Variants in SLC35A3 observed in about 807,000 individuals in gnomAD.
SLC35A3 encodes UDP-N-acetylglucosamine transporter.
SLC35A3 carries 26 observed loss-of-function variants against 39.0 expected under a neutral mutation model. That is an observed-to-expected ratio of 0.67 (90% CI 0.49 to 0.92). The LOEUF is 0.92. SLC35A3 is among the 40% of genes least tolerant of loss of function. The pLI is 0.00. For missense variants in SLC35A3, 299 were observed against 371.6 expected (o/e 0.80, Z 1.61); for synonymous variants, 135 against 133.1 (o/e 1.01, Z -0.10).
rs1660800885 is a variant in SLC35A3 at position 100,024,687 on chromosome 1, C to T, written c.*2211C>T. 1 of 386,270 alleles carries T rather than the reference C, an allele frequency of 2.6e-6. No homozygotes were observed. Among genetic ancestry groups the T allele is most frequent in the East Asian group, 3.7e-5 (1 of 27,234 alleles). The allele number at this position is 386,270 out of a possible 1,614,324, so 23.9% of individuals were successfully genotyped here. ...AGGCTGGAGTGCTGTGGCGCGATCT[C>T]GGCTTACTGCAACCTCCCACTCCCT... On this transcript the variant is annotated 3_prime_UTR_variant, in exon 8 of 8. Coordinates refer to ENST00000533028, the MANE Select transcript of SLC35A3 (RefSeq NM_012243.3).
At chr1:99,991,353 C>T (rs188011188) in intron 1 of SLC35A3, among the ~76,000 whole-genome samples, 165 of 152,270 alleles carry the variant, frequency 1.1e-3, no homozygotes, top group African/African-American at 3.8e-3. Context: ...ACTATGTTGG[C>T]CAGGCTGGTC....
Position 100,028,293 on chromosome 1 carries a change from G to C in SLC35A3, c.*5817G>C, listed in dbSNP as rs1238767349. Reference sequence around the variant, plus strand: ...GACCAGCATTAGTAATCATACTGGTGGGGTTTTTTGGGGTGTTTTTCTGTT... The same window carrying C: ...GACCAGCATTAGTAATCATACTGGTCGGGTTTTTTGGGGTGTTTTTCTGTT... On this transcript the variant is annotated 3_prime_UTR_variant, in exon 8 of 8. Coordinates refer to ENST00000533028, the MANE Select transcript of SLC35A3 (RefSeq NM_012243.3). 2 of 150,498 alleles carry C rather than the reference G, an allele frequency of 1.3e-5. No homozygotes were observed. The highest frequency in any genetic ancestry group is 5.0e-5 in the African/African-American group (2 of 39,958). 9.3% of individuals were successfully genotyped at this position (150,498 alleles called of 1,614,324 possible).
In SLC35A3 at chr1:100,015,653, A is replaced by T. The variant is rs958271981; in HGVS notation, c.753+233A>T. 15 of 418,900 alleles carry T rather than the reference A, an allele frequency of 3.6e-5. No individual in the cohort carries two copies. The Admixed American group carries it at 6.2e-4, about 17-fold the overall frequency. The allele number at this position is 418,900 out of a possible 1,614,324, so 25.9% of individuals were successfully genotyped here. On this transcript the variant is annotated intron_variant, in intron 6 of 7. Transcript: ENST00000533028. ...TGGTTTTAAATGTAACATAATGAAAATACAAGTTTAAGAATAAAAGAGTTG... is the reference window on the plus strand; with the variant it reads ...TGGTTTTAAATGTAACATAATGAAATTACAAGTTTAAGAATAAAAGAGTTG...
Position 100,005,773 on chromosome 1 carries a change from G to T in SLC35A3, c.343-1261G>T, listed in dbSNP as rs547516554. Among the ~76,000 whole-genome samples the T allele has an allele frequency of 8.5e-5, 13 of 152,072 alleles. No individual in the cohort carries two copies. In the East Asian group the frequency reaches 2.3e-3, roughly 27 times the overall value. On this transcript the variant is annotated intron_variant, in intron 3 of 7. Coordinates refer to ENST00000533028, the MANE Select transcript of SLC35A3 (RefSeq NM_012243.3). ...CCTATTTTGTTTATATTGTCTGCTT[G>T]TGTTCTCTTGTATCTCACTAAACTT... is the stretch of plus-strand genomic sequence containing the variant.
At chr1:100,012,509 A>G (rs1659741377) in intron 5 of SLC35A3, among the ~76,000 whole-genome samples, 1 of 152,232 alleles carries the variant, frequency 6.6e-6, no homozygotes, top group Admixed American at 6.5e-5. Context: ...ACCTATCACA[A>G]TTCAAAATTA....
rs943277339 is a variant in SLC35A3, at chr1:100,024,187, A to T, written c.*1711A>T. On this transcript the variant is annotated 3_prime_UTR_variant, in exon 8 of 8. Transcript: ENST00000533028. ...TGGTAAGATGATTTGGTGGGCAAAA[A>T]TGCTTTCTATAATTTGAATATGGGT... 3 of 152,120 alleles carry T rather than the reference A, an allele frequency of 2.0e-5. No individual in the cohort carries two copies. The highest frequency in any genetic ancestry group is 7.2e-5 in the African/African-American group (3 of 41,408). The allele number at this position is 152,120 out of a possible 1,614,324, so 9.4% of individuals were successfully genotyped here.
chr1:100,018,434 C>T (rs1660313660), intron 7 of SLC35A3, among the ~76,000 whole-genome samples: 1 of 152,172 alleles, frequency 6.6e-6, no homozygotes, highest in South Asian at 2.1e-4. Context: ...GTACACCACT[C>T]TTGGTTTTCC....
Position 100,024,793 on chromosome 1 carries a change from A to C in SLC35A3, c.*2317A>C. 1.3e-5 allele frequency: 5 copies of C among 395,194 alleles called. No homozygotes were observed. In the Admixed American group the frequency reaches 1.8e-4, roughly 14 times the overall value. The allele number at this position is 395,194 out of a possible 1,614,324, so 24.5% of individuals were successfully genotyped here. The stretch of plus-strand genomic sequence containing the variant: ...CCACTGCGCCCGGCCTATACTGTAT[A>C]TATTTTTAAAGACTGTTCTAATAGA... On this transcript the variant is annotated 3_prime_UTR_variant, in exon 8 of 8. Coordinates refer to ENST00000533028, the MANE Select transcript of SLC35A3 (RefSeq NM_012243.3).
Position 100,006,915 on chromosome 1 carries a change from A to G in SLC35A3, c.343-119A>G, listed in dbSNP as rs72965786. The stretch of plus-strand genomic sequence containing the variant: ...ACTGAAGCTTTAGATTCCAGTTCCC[A>G]GCCAGATGCAACCACCAGGCATGCT... On this transcript the variant is annotated intron_variant, in intron 3 of 7. Transcript: ENST00000533028. 6.9e-3 allele frequency: 8,176 copies of G among 1,185,460 alleles called. 414 individuals are homozygous for G. In the African/African-American group the frequency reaches 0.11, roughly 16 times the overall value. 73.4% of individuals were successfully genotyped at this position (1,185,460 alleles called of 1,614,324 possible).
chr1:100,015,064 A>G (rs1437799264), intron 5 of SLC35A3, among the ~76,000 whole-genome samples: 1 of 150,954 alleles, frequency 6.6e-6, no homozygotes, highest in East Asian at 2.0e-4. Context: ...AGGCTGAGGC[A>G]GGAGAATTGC....
At chr1:99,991,280 G>A (rs1358436635) in intron 1 of SLC35A3, among the ~76,000 whole-genome samples, 2 of 152,156 alleles carry the variant, frequency 1.3e-5, no homozygotes, top group African/African-American at 2.4e-5. Context: ...GAGTAGCTGG[G>A]ATTACAGGTG....
intron 1 of SLC35A3, among the ~76,000 whole-genome samples, chr1:99,975,583 A>G (rs1394530390): frequency 2.0e-5 from 3 of 152,230 alleles, no homozygotes; most frequent in African/African-American, 7.2e-5. Context: ...TAGAGGTTCT[A>G]CAAATAGAGA....
chr1:99,989,930 A>AT (rs982038624), intron 1 of SLC35A3, among the ~76,000 whole-genome samples: 18 of 151,450 alleles, frequency 1.2e-4, no homozygotes, highest in Admixed American at 3.9e-4. Flanking sequence ...ATGCCTAGCT[A>AT]TTTTTTTGTA....
chr1:100,007,368 C>T, intron 4 of SLC35A3: 1 of 396,460 alleles, frequency 2.5e-6, no homozygotes, highest in South Asian at 3.9e-5. Flanking sequence ...AATTATATTA[C>T]CTACAGAAGT....
chr1:99,988,699 CTG>C (rs1425731311), intron 1 of SLC35A3, among the ~76,000 whole-genome samples: 1 of 146,052 alleles, frequency 6.8e-6, no homozygotes, highest in Non-Finnish European at 1.5e-5. Flanking sequence ...CCTTTCTTAC[CTG>C]TCTTTCTCCC....
At chr1:99,975,933 G>C (rs545993077) in intron 1 of SLC35A3, among the ~76,000 whole-genome samples, 1 of 152,080 alleles carries the variant, frequency 6.6e-6, no homozygotes, top group South Asian at 2.1e-4. Context: ...GGTAGCATGC[G>C]GTTGTAGGTC....
intron 3 of SLC35A3, 115 bp from the exon 4 acceptor site, chr1:100,006,919 A>G: frequency 8.2e-7 from 1 of 1,217,652 alleles, no homozygotes; most frequent in South Asian, 1.8e-5. Flanking sequence ...GTTCCCAGCC[A>G]GATGCAACCA....
Position 100,024,568 on chromosome 1 carries a change from AAC to A in SLC35A3, c.*2113_*2114del, listed in dbSNP as rs770036841. The A allele has an allele frequency of 4.3e-3, 878 of 201,952 alleles. No individual in the cohort carries two copies. Among genetic ancestry groups the A allele is most frequent in the East Asian group, 7.1e-3 (73 of 10,270 alleles). 12.5% of individuals were successfully genotyped at this position (201,952 alleles called of 1,614,324 possible). On this transcript the variant is annotated 3_prime_UTR_variant, in exon 8 of 8. Coordinates refer to ENST00000533028, the MANE Select transcript of SLC35A3 (RefSeq NM_012243.3). ...TCCGTCTCAAAAAAAAAAAAAAGAAAACACACACACACACACACACACCCACA... is the reference window on the plus strand; with the variant it reads ...TCCGTCTCAAAAAAAAAAAAAAGAAAACACACACACACACACACACCCACA...
intron 1 of SLC35A3, among the ~76,000 whole-genome samples, chr1:99,991,551 G>T (rs536523545): frequency 6.6e-6 from 1 of 152,220 alleles, no homozygotes; most frequent in East Asian, 1.9e-4. Flanking sequence ...TAGGTCCTTT[G>T]TATTTCCATA....
Sources: allele counts gnomAD v4.1 joint callset (sites outside exome capture counted in the v4.1 genomes callset), GRCh38; gene constraint gnomAD v4.1.1; transcripts MANE v1.5; gene names NCBI Gene and HGNC (gene_info 2026-07-23, HGNC 2026-07-21).